The following HECW2 variants were observed in gnomAD, a reference collection of about 807,000 sequenced individuals.
The protein encoded by HECW2 is HECT, C2 and WW domain containing E3 ubiquitin protein ligase 2.
HECW2 carries 61 observed loss-of-function variants against 175.2 expected under a neutral mutation model. The ratio of observed to expected loss-of-function variants is 0.35; its 90% confidence interval spans 0.28 to 0.43. HECW2 has a LOEUF of 0.43. Among genes scored for constraint, HECW2 ranks in the 20% least tolerant of loss-of-function variants. The pLI is 1.00. For synonymous variants in HECW2, 671 were observed against 731.0 expected (o/e 0.92, Z 1.32); for missense variants, 1,524 against 2,000.5 (o/e 0.76, Z 4.54).
At chr2:196,257,705 G>GT (rs1375202382) in intron 18 of HECW2, 118 bp downstream of exon 18, 1 of 705,900 alleles carries the variant, frequency 1.4e-6, no homozygotes, top group Non-Finnish European at 2.4e-6. Flanking sequence ...ATTTCCACAA[G>GT]TCTAAAGAAT....
chr2:196,508,139 CT>C (rs766610560), intron 1 of HECW2, among the ~76,000 whole-genome samples: 2 of 152,212 alleles, frequency 1.3e-5, no homozygotes, highest in Non-Finnish European at 2.9e-5. Flanking sequence ...AAGAGTACTG[CT>C]TTCTGAAAAA....
At position 196,222,286 on chromosome 2, in the gene HECW2, C is replaced by G; in HGVS notation, c.4071G>C (p.Leu1357=). Reference sequence around the variant, plus strand: ...GGATATCATTGTCTTTCATCCACTGCAGGCTCTGATGGAACTCTTCATCAA... The same window carrying G: ...GGATATCATTGTCTTTCATCCACTGGAGGCTCTGATGGAACTCTTCATCAA... ...EYLDEEFHQS[L]QWMKDNDIHD... The change falls in exon 24 of 29, where the codon CTG becomes CTC. Residue 1357 remains leucine (L), a synonymous_variant. Coordinates refer to ENST00000644978, the MANE Select transcript of HECW2 (RefSeq NM_001348768.2). 1 of 1,613,512 alleles carries G rather than the reference C, an allele frequency of 6.2e-7. No individual in the cohort carries two copies. The highest frequency in any genetic ancestry group is 8.5e-7 in the Non-Finnish European group (1 of 1,179,526).
At chr2:196,221,142 CT>C (rs1188649262) in intron 24 of HECW2, among the ~76,000 whole-genome samples, 1 of 152,136 alleles carries the variant, frequency 6.6e-6, no homozygotes, top group African/African-American at 2.4e-5. Context: ...TGCTTGAAAG[CT>C]TTGGTGATTA....
At chr2:196,350,346 C>A (rs1404804724) in intron 2 of HECW2, among the ~76,000 whole-genome samples, 1 of 152,160 alleles carries the variant, frequency 6.6e-6, no homozygotes, top group Non-Finnish European at 1.5e-5. Context: ...GCCTGGGCAA[C>A]AGGGCGAGAC....
At chr2:196,514,767 T>C (rs1405893286) in intron 1 of HECW2, among the ~76,000 whole-genome samples, 3 of 152,122 alleles carry the variant, frequency 2.0e-5, no homozygotes, top group Non-Finnish European at 4.4e-5. Context: ...AGAAAGGAGC[T>C]ACCCACTCTG....
At position 196,303,666 on chromosome 2, in the gene HECW2, T is replaced by C. The variant is rs527715628; in HGVS notation, c.2814+2822A>G. 3.9e-5 allele frequency among the ~76,000 whole-genome samples: 6 copies of C among 152,336 alleles called. No individual in the cohort carries two copies. The South Asian group carries it at 1.2e-3, about 32-fold the overall frequency. ...TGTATGTGTCCAGGAACTTATCTATTTCTTCTAGATTTTCTAGTTTATGTA... is the reference window on the plus strand; with the variant it reads ...TGTATGTGTCCAGGAACTTATCTATCTCTTCTAGATTTTCTAGTTTATGTA... On this transcript the variant is annotated intron_variant, in intron 13 of 28. Coordinates refer to ENST00000644978, the MANE Select transcript of HECW2 (RefSeq NM_001348768.2).
chr2:196,356,560 T>C (rs923664737), intron 2 of HECW2, among the ~76,000 whole-genome samples: 4 of 152,178 alleles, frequency 2.6e-5, no homozygotes, highest in African/African-American at 9.7e-5. Context: ...AGCCACTTAG[T>C]AGCCATCTCA....
chr2:196,250,168 G>A (rs113604820), intron 19 of HECW2, among the ~76,000 whole-genome samples: 2,434 of 152,262 alleles, frequency 0.016, 68 homozygotes, highest in African/African-American at 0.055. Flanking sequence ...TGACTGGCAC[G>A]AGCAACAATC....
chr2:196,451,470 G>C (rs1324921105), intron 1 of HECW2, among the ~76,000 whole-genome samples: 1 of 150,534 alleles, frequency 6.6e-6, no homozygotes, highest in Admixed American at 6.6e-5. Flanking sequence ...GTGGGGTAAA[G>C]TTTATACCCA....
intron 1 of HECW2, among the ~76,000 whole-genome samples, chr2:196,524,931 T>C (rs1337467487): frequency 1.4e-5 from 2 of 138,554 alleles, no homozygotes; most frequent in African/African-American, 3.1e-5. Flanking sequence ...TGTGGTGTGG[T>C]GCTGAAAAAA....
At chr2:196,521,616 A>G (rs1228236803) in intron 1 of HECW2, among the ~76,000 whole-genome samples, 5 of 140,074 alleles carry the variant, frequency 3.6e-5, no homozygotes, top group African/African-American at 7.9e-5. Context: ...ATATCTCCCA[A>G]TGCTATCCCT....
chr2:196,592,903 G>A (rs931531244), intron 1 of HECW2: 3 of 150,858 alleles, frequency 2.0e-5, no homozygotes, highest in African/African-American at 7.3e-5. Context: ...GGAGAAAGCA[G>A]GCGGCCGGGG....
chr2:196,325,890 CA>C lies in HECW2; in HGVS notation c.572-742del, dbSNP rs1692132835. 2.0e-5 allele frequency among the ~76,000 whole-genome samples: 3 copies of C among 152,180 alleles called. No homozygotes were observed. In the South Asian group the frequency reaches 6.2e-4, roughly 32 times the overall value. On this transcript the variant is annotated intron_variant, in intron 5 of 28. Coordinates refer to ENST00000644978, the MANE Select transcript of HECW2 (RefSeq NM_001348768.2). ...ACTATATGCTGCTAAAAGTCCTAGCCAAAGTCCATTTAGTGAGGAGACTGTA... is the reference window on the plus strand; with the variant it reads ...ACTATATGCTGCTAAAAGTCCTAGCCAAGTCCATTTAGTGAGGAGACTGTA...
chr2:196,219,432 C>A (rs1295265219), intron 26 of HECW2, among the ~76,000 whole-genome samples: 4 of 152,226 alleles, frequency 2.6e-5, no homozygotes, highest in Non-Finnish European at 5.9e-5. Context: ...TACTGATCTG[C>A]AGAAGTGTCA....
chr2:196,589,220 A>AT (rs1691095277), intron 1 of HECW2, among the ~76,000 whole-genome samples: 2 of 152,008 alleles, frequency 1.3e-5, no homozygotes. Context: ...AAATAAATAA[A>AT]TTTCTTCTTA....
chr2:196,295,756 A>G (rs1394496028), intron 13 of HECW2, among the ~76,000 whole-genome samples: 1 of 152,202 alleles, frequency 6.6e-6, no homozygotes, highest in East Asian at 1.9e-4. Context: ...AACTCATCCC[A>G]GCCTCAGACC....
chr2:196,297,959 A>G (rs977401206), intron 13 of HECW2, among the ~76,000 whole-genome samples: 4 of 152,232 alleles, frequency 2.6e-5, no homozygotes, highest in African/African-American at 9.6e-5. Flanking sequence ...TCACATTAAC[A>G]AAACTATCTA....
intron 2 of HECW2, among the ~76,000 whole-genome samples, chr2:196,406,264 C>T (rs943842368): frequency 1.3e-5 from 2 of 152,160 alleles, no homozygotes; most frequent in African/African-American, 4.8e-5. Flanking sequence ...TCCTTTTCCT[C>T]CTCATTCCCC....
At chr2:196,388,175 G>T (rs1025495070) in intron 2 of HECW2, among the ~76,000 whole-genome samples, 4 of 152,142 alleles carry the variant, frequency 2.6e-5, no homozygotes, top group Admixed American at 6.5e-5. Context: ...GCATGCACCT[G>T]TAGTCTCAGC....
Sources: allele counts gnomAD v4.1 joint callset (sites outside exome capture counted in the v4.1 genomes callset), GRCh38; gene constraint gnomAD v4.1.1; transcripts MANE v1.5; gene names NCBI Gene and HGNC (gene_info 2026-07-23, HGNC 2026-07-21).